Variants in SDAD1 observed in about 807,000 individuals in gnomAD.
The protein encoded by SDAD1 is protein SDA1 homolog.
A neutral mutation model predicts 100.3 loss-of-function variants in SDAD1; 79 were observed. The observed-to-expected ratio is 0.79, with a 90% confidence interval of 0.66 to 0.95. SDAD1 has a LOEUF of 0.95. Among genes scored for constraint, SDAD1 ranks in the 40% least tolerant of loss-of-function variants. The pLI, the probability that SDAD1 is intolerant of heterozygous loss-of-function variation, is 0.00. For synonymous variants in SDAD1, 267 were observed against 271.4 expected, an observed-to-expected ratio of 0.98 and a Z score of 0.16; for missense variants, 790 against 810.9, an observed-to-expected ratio of 0.97 and a Z score of 0.31.
intron 8 of SDAD1, among the ~76,000 whole-genome samples, chr4:75,972,396 C>T (rs1433865078): frequency 6.7e-6 from 1 of 148,520 alleles, no homozygotes; most frequent in East Asian, 2.0e-4. Context: ...TGAAGGTCCG[C>T]GGCTCCAAAA....
chr4:75,964,238 GTGC>G lies in SDAD1; in HGVS notation c.1105-30_1105-28del, dbSNP rs762651952. ...TGAATTGGAAACAAAAAAGAGATGG[GTGC>G]TGATTAAATGTCTGCATACACAAAC... On this transcript the variant is annotated intron_variant, in intron 13 of 21. Transcript: ENST00000356260. 39 of 1,464,834 alleles carry G rather than the reference GTGC, an allele frequency of 2.7e-5. No homozygotes were observed. The Middle Eastern group carries it at 8.6e-4, about 32-fold the overall frequency. The allele number at this position is 1,464,834 out of a possible 1,614,324, so 90.7% of individuals were successfully genotyped here.
At chr4:75,965,728 T>C (rs1455340745) in intron 13 of SDAD1, 36 bp downstream of exon 13, 5 of 1,568,452 alleles carry the variant, frequency 3.2e-6, no homozygotes, top group South Asian at 1.1e-5. Context: ...CTGTCATCCA[T>C]GCCCTAGGTC....
chr4:75,966,744 T>A (rs986043961), intron 12 of SDAD1, among the ~76,000 whole-genome samples: 5 of 152,210 alleles, frequency 3.3e-5, no homozygotes, highest in Admixed American at 6.5e-5. Context: ...AGACTTGCTT[T>A]GAGAAACCAA....
At chr4:75,957,045 G>A (rs937534765) in intron 20 of SDAD1, among the ~76,000 whole-genome samples, 1 of 152,206 alleles carries the variant, frequency 6.6e-6, no homozygotes, top group African/African-American at 2.4e-5. Context: ...AGGAGGCAGA[G>A]GTTGCAGTGA....
rs746287101 is a variant in SDAD1, at chr4:75,957,603, C to T, written c.1684G>A (p.Ala562Thr). The change falls in exon 19 of 22, where the codon GCC (alanine) becomes ACC (threonine). Residue 562 changes from alanine (A) to threonine (T), a missense_variant. Transcript: ENST00000356260. ...TQEDFQKIRM[A>T]QMRKELDAAP... ...GCATCAAGTTCTTTTCTCATTTGGG[C>T]CATGCGGATTTTCTGGAAGTCTTCC... 6.2e-7 allele frequency: 1 copy of T among 1,614,156 alleles called. No individual in the cohort carries two copies. Among genetic ancestry groups the T allele is most frequent in the South Asian group, 1.1e-5 (1 of 91,074 alleles).
At chr4:75,989,737 A>C (rs1353440536) in intron 1 of SDAD1, among the ~76,000 whole-genome samples, 2 of 152,158 alleles carry the variant, frequency 1.3e-5, no homozygotes, top group African/African-American at 4.8e-5. Flanking sequence ...ATGTTACTTA[A>C]CTTCTTGTAC....
intron 8 of SDAD1, 140 bp from the exon 9 acceptor site, chr4:75,971,598 C>T: frequency 1.6e-6 from 1 of 644,918 alleles, no homozygotes; most frequent in South Asian, 2.1e-5. Flanking sequence ...AGACTGGGCG[C>T]AGTGGCTCAC....
At chr4:75,964,436 T>C (rs1729424236) in intron 13 of SDAD1, among the ~76,000 whole-genome samples, 1 of 152,218 alleles carries the variant, frequency 6.6e-6, no homozygotes, top group African/African-American at 2.4e-5. Flanking sequence ...AAGGAATTAC[T>C]CTATAAATTT....
chr4:75,966,729 CAAG>C (rs1484147652), intron 12 of SDAD1, among the ~76,000 whole-genome samples: 1 of 152,146 alleles, frequency 6.6e-6, no homozygotes, highest in Non-Finnish European at 1.5e-5. Flanking sequence ...TACAGTATTA[CAAG>C]AAGACTTGCT....
Position 75,957,960 on chromosome 4 carries a change from C to A in SDAD1, c.1484-19G>T, listed in dbSNP as rs775487396. 1.3e-6 allele frequency: 2 copies of A among 1,582,910 alleles called. No homozygotes were observed. Among genetic ancestry groups the A allele is most frequent in the Non-Finnish European group, 8.7e-7 (1 of 1,153,280 alleles). On this transcript the variant is annotated intron_variant, in intron 17 of 21. Transcript: ENST00000356260. ...CATCCATCTGCGTGAAAAAAGCAAACCCACTACTGCCATTTTATGTTGCAC... is the reference window on the plus strand; with the variant it reads ...CATCCATCTGCGTGAAAAAAGCAAAACCACTACTGCCATTTTATGTTGCAC...
Position 75,976,951 on chromosome 4 carries a change from T to C in SDAD1, c.405+695A>G, listed in dbSNP as rs139707122. Among the ~76,000 whole-genome samples, 1,104 of 152,286 alleles carry C rather than the reference T, an allele frequency of 7.2e-3. 12 individuals carry two copies. Among genetic ancestry groups the C allele is most frequent in the Non-Finnish European group, 0.012 (814 of 68,006 alleles). ...AATTAATGAATGTAAACTTAAATTT[T>C]TCTTTCCTTTTTTTCTTTAAATACA... On this transcript the variant is annotated intron_variant, in intron 4 of 21. Transcript: ENST00000356260.
chr4:75,972,491 C>T (rs540222541), intron 8 of SDAD1, among the ~76,000 whole-genome samples: 36 of 151,516 alleles, frequency 2.4e-4, no homozygotes, highest in Non-Finnish European at 3.7e-4. Context: ...TCCCACTGCC[C>T]TATTCTGAAA....
rs538009004 is a variant in SDAD1, at chr4:75,978,982, GAAAAAAAAAAA to G, written c.295-1237_295-1227del. 3.2e-4 allele frequency among the ~76,000 whole-genome samples: 12 copies of G among 38,064 alleles called. 1 individual carries two copies. The highest frequency in any genetic ancestry group is 6.4e-4 in the Non-Finnish European group (10 of 15,624). The allele number at this position is 38,064 out of a possible 152,430, so 25.0% of individuals were successfully genotyped here. Reference sequence around the variant, plus strand: ...CAGCTGAGTGACAGACCCTGTCTCAGAAAAAAAAAAAAAAAAAAAAAAAAAAAAATTCAGGG... The same window carrying G: ...CAGCTGAGTGACAGACCCTGTCTCAGAAAAAAAAAAAAAAAAAATTCAGGG... On this transcript the variant is annotated intron_variant, in intron 3 of 21. Transcript: ENST00000356260.
intron 21 of SDAD1, among the ~76,000 whole-genome samples, chr4:75,953,723 C>T (rs2149305868): frequency 6.6e-6 from 1 of 152,296 alleles, no homozygotes; most frequent in East Asian, 1.9e-4. Context: ...CAGGCTGATC[C>T]TTGGCTAGCT....
intron 1 of SDAD1, among the ~76,000 whole-genome samples, chr4:75,982,361 C>A (rs1308838821): frequency 6.6e-6 from 1 of 152,078 alleles, no homozygotes; most frequent in Non-Finnish European, 1.5e-5. Context: ...CTAAATGATC[C>A]CGACTGCTGG....
At position 75,954,331 on chromosome 4, in the gene SDAD1, G is replaced by C. The variant is rs541417595; in HGVS notation, c.2016+1644C>G. 7.3e-5 allele frequency among the ~76,000 whole-genome samples: 11 copies of C among 151,398 alleles called. No individual in the cohort carries two copies. The East Asian group carries it at 2.1e-3, about 29-fold the overall frequency. On this transcript the variant is annotated intron_variant, in intron 21 of 21. Transcript: ENST00000356260. ...CGGGAGGCAGAGCTTGCAGTGAGCT[G>C]AGATTGCGCCACTGCACTCCAGCCT...
intron 8 of SDAD1, among the ~76,000 whole-genome samples, chr4:75,973,088 A>G (rs1169410602): frequency 6.6e-6 from 1 of 152,226 alleles, no homozygotes; most frequent in Non-Finnish European, 1.5e-5. Flanking sequence ...ATAACTTTAG[A>G]ACTAAGATCA....
chr4:75,971,552 C>T, intron 8 of SDAD1, 94 bp from the exon 9 acceptor site: 1 of 863,156 alleles, frequency 1.2e-6, no homozygotes, highest in Non-Finnish European at 1.9e-6. Flanking sequence ...TTCTTATACT[C>T]TTTGCACACA....
intron 13 of SDAD1, among the ~76,000 whole-genome samples, chr4:75,964,455 T>A (rs571889706): frequency 7.2e-5 from 11 of 152,362 alleles, no homozygotes; most frequent in African/African-American, 2.2e-4. Flanking sequence ...TTACTAATAT[T>A]CTTGACCTCC....
Sources: gnomAD v4.1 joint callset for allele counts (sites outside exome capture counted in the v4.1 genomes callset) on GRCh38, gnomAD v4.1.1 for gene constraint, MANE v1.5 for transcripts, NCBI Gene and HGNC (gene_info 2026-07-23, HGNC 2026-07-21) for gene names.